CTNND2: variants seen among roughly 807,000 people sequenced by gnomAD.
The protein encoded by CTNND2 is catenin delta 2.
Under a neutral mutation model 144.4 loss-of-function variants are expected in CTNND2, and 22 were observed. The observed-to-expected ratio is 0.15, with a 90% CI of 0.11 to 0.22. The LOEUF is 0.22. Among genes scored for constraint, CTNND2 ranks in the 10% least tolerant of loss-of-function variants. The pLI, the probability that CTNND2 is intolerant of heterozygous loss-of-function variation, is 1.00. For missense variants in CTNND2, 1,353 were observed against 1,618.8 expected (o/e 0.84, Z 2.82); for synonymous variants, 751 against 695.6 (o/e 1.08, Z -1.25).
chr5:11,548,070 C>A (rs763474909), intron 3 of CTNND2, among the ~76,000 whole-genome samples: 1 of 152,092 alleles, frequency 6.6e-6, no homozygotes, highest in Non-Finnish European at 1.5e-5. Context: ...AAAAAAAATG[C>A]ATGAACTACC....
At chr5:11,117,167 T>C (rs1753634297) in intron 13 of CTNND2, among the ~76,000 whole-genome samples, 1 of 151,568 alleles carries the variant, frequency 6.6e-6, no homozygotes. Context: ...GTGAGCAACG[T>C]GGTATTCAAG....
chr5:11,061,427 C>A (rs1746965398), intron 16 of CTNND2, among the ~76,000 whole-genome samples: 1 of 152,226 alleles, frequency 6.6e-6, no homozygotes, highest in South Asian at 2.1e-4. Flanking sequence ...CCCGCACTCA[C>A]CATCAGCATC....
At chr5:11,025,671 A>G (rs1742748451) in intron 16 of CTNND2, among the ~76,000 whole-genome samples, 1 of 152,224 alleles carries the variant, frequency 6.6e-6, no homozygotes, top group African/African-American at 2.4e-5. Context: ...GGTGGAAGAA[A>G]CATAGTCTTT....
intron 19 of CTNND2, among the ~76,000 whole-genome samples, chr5:10,991,882 T>C (rs1738717175): frequency 6.6e-6 from 1 of 152,228 alleles, no homozygotes; most frequent in Non-Finnish European, 1.5e-5. Context: ...TTTATCCCAA[T>C]TATGACAAAA....
intron 1 of CTNND2, among the ~76,000 whole-genome samples, chr5:11,784,747 A>T (rs956900156): frequency 6.6e-6 from 1 of 152,216 alleles, no homozygotes; most frequent in Non-Finnish European, 1.5e-5. Context: ...GAATTCAACC[A>T]CCAACAGGAA....
At chr5:11,259,919 TA>T (rs772016818) in intron 9 of CTNND2, among the ~76,000 whole-genome samples, 8 of 152,236 alleles carry the variant, frequency 5.3e-5, no homozygotes, top group Non-Finnish European at 1.0e-4. Flanking sequence ...TTTTCACTAA[TA>T]TTTTTTAAAG....
intron 12 of CTNND2, among the ~76,000 whole-genome samples, chr5:11,142,669 A>AAG (rs1756855846): frequency 1.4e-5 from 2 of 143,664 alleles, no homozygotes; most frequent in African/African-American, 5.3e-5. Flanking sequence ...GCTGGAGTGC[A>AAG]GTGGCGCGAT....
At chr5:11,402,281 C>T (rs1233940475) in intron 5 of CTNND2, among the ~76,000 whole-genome samples, 2 of 152,074 alleles carry the variant, frequency 1.3e-5, no homozygotes, top group Admixed American at 1.3e-4. Context: ...TTAAATGTCA[C>T]CTCCCAATAT....
At chr5:11,810,650 A>T (rs1792280005) in intron 1 of CTNND2, among the ~76,000 whole-genome samples, 1 of 152,194 alleles carries the variant, frequency 6.6e-6, no homozygotes, top group South Asian at 2.1e-4. Flanking sequence ...TTTGTTTCTA[A>T]TGCTTATTAT....
At position 11,266,950 on chromosome 5, in the gene CTNND2, C is replaced by T. The variant is rs186665040; in HGVS notation, c.1629-30127G>A. 7.2e-3 allele frequency among the ~76,000 whole-genome samples: 1,104 copies of T among 152,318 alleles called. 11 individuals are homozygous for T. Among genetic ancestry groups the T allele is most frequent in the African/African-American group, 0.024 (996 of 41,558 alleles). Reference sequence around the variant, plus strand: ...CTGGAGTGCAATGGCGCGATCTCAGCTCACTGCAACCTCCATCTCCAGGGT... The same window carrying T: ...CTGGAGTGCAATGGCGCGATCTCAGTTCACTGCAACCTCCATCTCCAGGGT... On this transcript the variant is annotated intron_variant, in intron 9 of 21. Transcript: ENST00000304623.
chr5:11,228,080 G>A (rs978480138), intron 10 of CTNND2, among the ~76,000 whole-genome samples: 5 of 151,910 alleles, frequency 3.3e-5, no homozygotes, highest in African/African-American at 1.2e-4. Flanking sequence ...GATGGTTCAT[G>A]CCTGTAATCC....
chr5:11,012,796 C>A (rs1481082865), intron 18 of CTNND2, among the ~76,000 whole-genome samples: 3 of 152,204 alleles, frequency 2.0e-5, no homozygotes, highest in Non-Finnish European at 4.4e-5. Context: ...AGTTGAGTGT[C>A]CCTCATCAGG....
intron 18 of CTNND2, among the ~76,000 whole-genome samples, chr5:10,993,571 C>A (rs559344703): frequency 6.6e-6 from 1 of 152,270 alleles, no homozygotes; most frequent in African/African-American, 2.4e-5. Context: ...TTTACAGAGG[C>A]CATTGCTTTC....
chr5:11,120,287 T>C (rs1217552231), intron 12 of CTNND2, among the ~76,000 whole-genome samples: 17 of 129,144 alleles, frequency 1.3e-4, no homozygotes, highest in Admixed American at 1.6e-4. Flanking sequence ...TCAGTATACA[T>C]ATAGACTTCA....
At chr5:11,028,235 C>G (rs1743070680) in intron 16 of CTNND2, among the ~76,000 whole-genome samples, 1 of 152,108 alleles carries the variant, frequency 6.6e-6, no homozygotes, top group African/African-American at 2.4e-5. Context: ...TGGAGAGCAA[C>G]CCCGGATGAG....
At chr5:11,436,403 G>C (rs1399685122) in intron 3 of CTNND2, among the ~76,000 whole-genome samples, 4 of 152,106 alleles carry the variant, frequency 2.6e-5, no homozygotes, top group Admixed American at 1.3e-4. Flanking sequence ...TGATGTATAA[G>C]GTCACAACTT....
intron 5 of CTNND2, among the ~76,000 whole-genome samples, chr5:11,406,932 C>T (rs149184137): frequency 6.6e-6 from 1 of 152,068 alleles, no homozygotes; most frequent in African/African-American, 2.4e-5. Flanking sequence ...CATTAATATG[C>T]TACAGAAAAA....
chr5:11,706,770 T>C (rs1347193032), intron 2 of CTNND2, among the ~76,000 whole-genome samples: 2 of 152,072 alleles, frequency 1.3e-5, no homozygotes, highest in African/African-American at 4.8e-5. Context: ...ATGATGAACT[T>C]TCCTACCAGG....
At chr5:11,076,070 C>T (rs1267932808) in intron 16 of CTNND2, among the ~76,000 whole-genome samples, 4 of 152,212 alleles carry the variant, frequency 2.6e-5, no homozygotes, top group Non-Finnish European at 5.9e-5. Flanking sequence ...AAATACATCA[C>T]CTGATGCTTG....
Sources: allele counts gnomAD v4.1 joint callset (sites outside exome capture counted in the v4.1 genomes callset), GRCh38; gene constraint gnomAD v4.1.1; transcripts MANE v1.5; gene names NCBI Gene and HGNC (gene_info 2026-07-23, HGNC 2026-07-21).